The following RARB variants were observed in gnomAD, a reference collection of about 807,000 sequenced individuals.
The protein encoded by RARB is retinoic acid receptor beta, also known as HBV-activated protein.
A neutral mutation model predicts 51.9 loss-of-function variants in RARB; 17 were observed. The observed-to-expected ratio is 0.33, with a 90% confidence interval of 0.22 to 0.49. The LOEUF is 0.49. Among genes scored for constraint, RARB ranks in the 20% least tolerant of loss-of-function variants. The pLI is 0.99. For missense variants in RARB, 369 were observed against 550.8 expected (o/e 0.67, Z 3.30); for synonymous variants, 215 against 195.4 (o/e 1.10, Z -0.84).
At chr3:25,593,311 A>C (rs1239204849) in intron 5 of RARB, among the ~76,000 whole-genome samples, 192 bp from the exon 6 acceptor site, 3 of 152,200 alleles carry the variant, frequency 2.0e-5, no homozygotes, top group Admixed American at 6.5e-5. Flanking sequence ...TTTCCTAAAA[A>C]ACTTTAGCCC....
intron 5 of RARB, among the ~76,000 whole-genome samples, chr3:25,208,054 C>A (rs149191239): frequency 6.6e-6 from 1 of 151,888 alleles, no homozygotes; most frequent in South Asian, 2.1e-4. Context: ...TGCTACGCAC[C>A]GTTAAGCAAC....
At chr3:25,016,286 AT>A (rs1436914568) in intron 2 of RARB, among the ~76,000 whole-genome samples, 1 of 152,194 alleles carries the variant, frequency 6.6e-6, no homozygotes, top group African/African-American at 2.4e-5. Context: ...CTACTGGGTG[AT>A]TAAGGTTAAA....
intron 3 of RARB, among the ~76,000 whole-genome samples, chr3:25,562,445 A>G (rs1700311875): frequency 6.6e-6 from 1 of 152,216 alleles, no homozygotes; most frequent in African/African-American, 2.4e-5. Context: ...ACGAAGCCAC[A>G]GACACGTGTG....
intron 5 of RARB, among the ~76,000 whole-genome samples, chr3:25,186,709 A>G (rs1700984637): frequency 6.6e-6 from 1 of 152,108 alleles, no homozygotes; most frequent in South Asian, 2.1e-4. Context: ...GGGTGCCAAC[A>G]TTTTTATAAA....
At chr3:25,187,768 C>G (rs926408626) in intron 5 of RARB, among the ~76,000 whole-genome samples, 1 of 151,960 alleles carries the variant, frequency 6.6e-6, no homozygotes, top group African/African-American at 2.4e-5. Flanking sequence ...ATTAATATCT[C>G]TTTTCTGTGA....
intron 4 of RARB, among the ~76,000 whole-genome samples, chr3:25,168,151 T>C (rs1162412106): frequency 6.6e-6 from 1 of 151,288 alleles, no homozygotes; most frequent in East Asian, 1.9e-4. Flanking sequence ...ACAGAAAAAG[T>C]AAAGAGAAAG....
intron 5 of RARB, among the ~76,000 whole-genome samples, chr3:25,201,541 C>G: frequency 6.6e-6 from 1 of 152,122 alleles, no homozygotes. Context: ...AGTTTTTGTC[C>G]ATTCAGTATG....
chr3:24,958,620 G>GT lies in RARB; in HGVS notation c.-380+99869dup, dbSNP rs548846494. 2.6e-5 allele frequency among the ~76,000 whole-genome samples: 4 copies of GT among 152,276 alleles called. No individual in the cohort carries two copies. In the South Asian group the frequency reaches 8.3e-4, roughly 32 times the overall value. On this transcript the variant is annotated intron_variant, in intron 2 of 11. Coordinates refer to the RARB transcript ENST00000383772. ...AGCGCTAGTTTGCACATAATGAGGGGTAAACCTCATGGAGGTAACCACTCT... is the reference window on the plus strand; with the variant it reads ...AGCGCTAGTTTGCACATAATGAGGGGTTAAACCTCATGGAGGTAACCACTCT...
Position 24,994,325 on chromosome 3 carries a change from C to T in RARB, c.-379-65800C>T, listed in dbSNP as rs937405921. On this transcript the variant is annotated intron_variant, in intron 2 of 11. Transcript: ENST00000383772. Reference sequence around the variant, plus strand: ...ACTTATTTGAGAAATGTTCGGATTACGTGCCTATTTTTAAAAATTGGCTGT... The same window carrying T: ...ACTTATTTGAGAAATGTTCGGATTATGTGCCTATTTTTAAAAATTGGCTGT... 5.4e-5 allele frequency among the ~76,000 whole-genome samples: 8 copies of T among 148,064 alleles called. No individual in the cohort carries two copies. In the East Asian group the frequency reaches 1.2e-3, roughly 23 times the overall value.
chr3:25,060,367 T>C (rs984334997), intron 3 of RARB, among the ~76,000 whole-genome samples: 6 of 151,836 alleles, frequency 4.0e-5, no homozygotes, highest in Non-Finnish European at 7.4e-5. Context: ...AATGGTTCTT[T>C]TATGTATATT....
intron 2 of RARB, among the ~76,000 whole-genome samples, chr3:24,914,500 C>G (rs894714801): frequency 6.6e-6 from 1 of 152,080 alleles, no homozygotes; most frequent in African/African-American, 2.4e-5. Flanking sequence ...TAAAGTACAG[C>G]CGATCTTCAG....
chr3:24,921,414 C>G (rs1300144838), intron 2 of RARB, among the ~76,000 whole-genome samples: 1 of 152,120 alleles, frequency 6.6e-6, no homozygotes, highest in Non-Finnish European at 1.5e-5. Context: ...AAAATCAGCC[C>G]TGCCCCAAAC....
chr3:24,831,652 A>T (rs9835858), intron 1 of RARB, among the ~76,000 whole-genome samples: 12,050 of 152,012 alleles, frequency 0.079, 523 homozygotes, highest in African/African-American at 0.12. Context: ...GTGGGGGGGA[A>T]CTAGTAGGTA....
rs71087718 is a variant in RARB at position 25,482,521 on chromosome 3, A to ATT, written c.307-18626_307-18625dup. 8.4e-3 allele frequency among the ~76,000 whole-genome samples: 554 copies of ATT among 65,758 alleles called. 96 individuals are homozygous for ATT. Among genetic ancestry groups the ATT allele is most frequent in the African/African-American group, 0.016 (234 of 14,250 alleles). The allele number at this position is 65,758 out of a possible 152,430, so 43.1% of individuals were successfully genotyped here. ...TAACTTTAAATTTTCTAGCAGCCAA[A>ATT]TTTTTTTTTTTTTTTTTTTTTTTTT... On this transcript the variant is annotated intron_variant, in intron 2 of 7. Coordinates refer to ENST00000330688, the MANE Select transcript of RARB (RefSeq NM_000965.5).
At chr3:24,905,348 A>C (rs1694837836) in intron 2 of RARB, among the ~76,000 whole-genome samples, 1 of 152,176 alleles carries the variant, frequency 6.6e-6, no homozygotes, top group African/African-American at 2.4e-5. Context: ...CATTGTCTTA[A>C]GGCCAAATGC....
At chr3:25,186,741 T>G (rs1700985545) in intron 5 of RARB, among the ~76,000 whole-genome samples, 1 of 152,090 alleles carries the variant, frequency 6.6e-6, no homozygotes, top group African/African-American at 2.4e-5. Flanking sequence ...AAATGATTTT[T>G]TTCCTCACCC....
chr3:25,168,769 C>G (rs545022294), intron 4 of RARB, among the ~76,000 whole-genome samples: 1 of 152,130 alleles, frequency 6.6e-6, no homozygotes, highest in African/African-American at 2.4e-5. Flanking sequence ...GGTCTACCAT[C>G]TAAATAAGAT....
chr3:25,582,733 C>A (rs1701228023), intron 5 of RARB, among the ~76,000 whole-genome samples: 1 of 152,090 alleles, frequency 6.6e-6, no homozygotes, highest in African/African-American at 2.4e-5. Context: ...ACTCTTCCAG[C>A]CCCATGGATC....
At chr3:25,015,541 A>G (rs1697490731) in intron 2 of RARB, among the ~76,000 whole-genome samples, 1 of 152,178 alleles carries the variant, frequency 6.6e-6, no homozygotes, top group Non-Finnish European at 1.5e-5. Context: ...ACTTCTTGAT[A>G]GGACCTGTCA....
Sources: gnomAD v4.1 joint callset for allele counts (sites outside exome capture counted in the v4.1 genomes callset) on GRCh38, gnomAD v4.1.1 for gene constraint, MANE v1.5 for transcripts, NCBI Gene and HGNC (gene_info 2026-07-23, HGNC 2026-07-21) for gene names.